Variants in MRFAP1L2 observed in about 807,000 individuals in gnomAD.
The protein encoded by MRFAP1L2 is Morf4 family associated protein 1 like 2.
chr4:6,674,732 G>A, the MRFAP1L2 span: 1 of 522,996 alleles, frequency 1.9e-6, no homozygotes. Flanking sequence ...AATTTGATAT[G>A]TTGTTGTAAA....
chr4:6,674,531 G>A, the MRFAP1L2 span: 2 of 669,748 alleles, frequency 3.0e-6, no homozygotes, highest in Middle Eastern at 3.8e-4. Flanking sequence ...CAGGCGGATC[G>A]TGGAGCTGCA....
the MRFAP1L2 span, chr4:6,674,562 A>C: frequency 1.5e-6 from 1 of 656,324 alleles, no homozygotes; most frequent in Non-Finnish European, 2.7e-6. Flanking sequence ...GCCGGCTGCG[A>C]GTGCTGCTGA....
chr4:6,674,368 C>G, the MRFAP1L2 span: 1 of 647,348 alleles, frequency 1.5e-6, no homozygotes, highest in Admixed American at 2.4e-5. Context: ...TGCTGGAGAT[C>G]CAGAGCCTGC....
chr4:6,674,100 G>A, the MRFAP1L2 span: 30 of 384,360 alleles, frequency 7.8e-5, no homozygotes, highest in Admixed American at 1.3e-4. Flanking sequence ...CCTCGCTGCG[G>A]AAAGTTGGGG....
chr4:6,674,218 G>A, the MRFAP1L2 span: 2 of 403,380 alleles, frequency 5.0e-6, no homozygotes, highest in South Asian at 7.9e-5. Context: ...GCGTGATGCG[G>A]CCCGTGGACG....
At chr4:6,674,261 G>T in the MRFAP1L2 span, 1 of 461,496 alleles carries the variant, frequency 2.2e-6, no homozygotes. Context: ...CGAGGAGCCG[G>T]GCAGCCCGCT....
chr4:6,674,536 G>C, the MRFAP1L2 span: 1 of 667,700 alleles, frequency 1.5e-6, no homozygotes, highest in Non-Finnish European at 2.7e-6. Flanking sequence ...GGATCGTGGA[G>C]CTGCACCAGC....
chr4:6,674,829 C>T, the MRFAP1L2 span: 1 of 427,926 alleles, frequency 2.3e-6, no homozygotes, highest in Non-Finnish European at 4.1e-6. Context: ...GAGGTACATG[C>T]TGGAAACGTG....
chr4:6,675,188 C>T, the MRFAP1L2 span: 1 of 152,206 alleles, frequency 6.6e-6, no homozygotes, highest in African/African-American at 2.4e-5. Context: ...TATTAATAGG[C>T]GCATTCAGTT....
At chr4:6,675,261 C>G in the MRFAP1L2 span, 2 of 152,210 alleles carry the variant, frequency 1.3e-5, no homozygotes, top group African/African-American at 2.4e-5. Context: ...AGTACGTACG[C>G]TGCTGCGTGG....
chr4:6,674,469 C>T, the MRFAP1L2 span: 1 of 662,780 alleles, frequency 1.5e-6, no homozygotes, highest in Non-Finnish European at 2.7e-6. Context: ...GAGCGGGTGG[C>T]TCGGCTGTGC....
chr4:6,674,454 C>G, the MRFAP1L2 span: 2 of 660,052 alleles, frequency 3.0e-6, no homozygotes, highest in South Asian at 3.1e-5. Flanking sequence ...CGTGCGGAGG[C>G]TGAGGAGCGG....
At chr4:6,675,774 AC>A in the MRFAP1L2 span, 1 of 152,154 alleles carries the variant, frequency 6.6e-6, no homozygotes, top group South Asian at 2.1e-4. Context: ...GATGCATGTG[AC>A]CTCTTCAGGG....
chr4:6,675,673 G>A, the MRFAP1L2 span: 4 of 152,192 alleles, frequency 2.6e-5, no homozygotes, highest in Non-Finnish European at 2.9e-5. Context: ...TAACCTGTCT[G>A]GTGAGCAACC....
At chr4:6,674,780 C>T in the MRFAP1L2 span, 611 of 491,394 alleles carry the variant, frequency 1.2e-3, 5 homozygotes, top group African/African-American at 7.7e-3. Context: ...GGACGTAGAC[C>T]TGGTGGGTCA....
At chr4:6,674,585 G>T in the MRFAP1L2 span, 78 of 628,260 alleles carry the variant, frequency 1.2e-4, no homozygotes, top group Admixed American at 9.4e-4. Context: ...CGGCGAGGCC[G>T]CGCGGGTCTG....
the MRFAP1L2 span, chr4:6,674,329 C>T: frequency 1.1e-5 from 7 of 627,372 alleles, no homozygotes; most frequent in Middle Eastern, 3.9e-4. Flanking sequence ...GCGAGCGCGC[C>T]CGGGCGCACT....
At chr4:6,674,177 C>A in the MRFAP1L2 span, 1 of 390,082 alleles carries the variant, frequency 2.6e-6, no homozygotes, top group Non-Finnish European at 4.5e-6. Flanking sequence ...TGAGCAGCCC[C>A]GGCGTGCCCC....
the MRFAP1L2 span, chr4:6,674,297 G>A: frequency 5.5e-6 from 3 of 543,562 alleles, no homozygotes; most frequent in Admixed American, 3.8e-5. Context: ...CGCCGGCCGC[G>A]AGAACCTGGC....
Sources: allele counts gnomAD v4.1 joint callset, GRCh38; gene constraint gnomAD v4.1.1; transcripts MANE v1.5; gene names NCBI Gene and HGNC (gene_info 2026-07-23, HGNC 2026-07-21).